Variants in NDST4 observed in about 807,000 individuals in gnomAD.
The protein encoded by NDST4 is N-deacetylase and N-sulfotransferase 4.
A neutral mutation model predicts 100.8 loss-of-function variants in NDST4; 63 were observed. The ratio of observed to expected loss-of-function variants is 0.62; its 90% CI spans 0.51 to 0.77. NDST4 has a LOEUF of 0.77. Ranked by LOEUF, NDST4 falls within the 30% of genes least tolerant of loss-of-function variation. The probability of loss-of-function intolerance (pLI) is 0.00; values close to 1 mark genes in which losing one functional copy is unlikely to be tolerated. For missense variants in NDST4, 943 were observed against 1,018.4 expected (o/e 0.93, Z 1.01); for synonymous variants, 377 against 361.8 (o/e 1.04, Z -0.48).
In NDST4 at chr4:115,007,614, T is replaced by G. The variant is rs972582019; in HGVS notation, c.979-30340A>C. On this transcript the variant is annotated intron_variant, in intron 2 of 13. Coordinates refer to ENST00000264363, the MANE Select transcript of NDST4 (RefSeq NM_022569.3). ...CTGGAATGATGATACAACCAAGAGA[T>G]AGAAGGACTGATGGAATAAAGTCCC... Among the ~76,000 whole-genome samples, 26 of 67,412 alleles carry G rather than the reference T, an allele frequency of 3.9e-4. 8 individuals carry two copies. Among genetic ancestry groups the G allele is most frequent in the African/African-American group, 1.3e-3 (23 of 17,244 alleles). The allele number at this position is 67,412 out of a possible 152,430, so 44.2% of individuals were successfully genotyped here.
At chr4:115,022,396 A>ATG (rs1317497244) in intron 2 of NDST4, among the ~76,000 whole-genome samples, 1 of 121,922 alleles carries the variant, frequency 8.2e-6, no homozygotes, top group Non-Finnish European at 1.9e-5. Context: ...TTCCATATAT[A>ATG]TGTGTTCCAT....
At chr4:115,112,618 A>G (rs939357970) in intron 1 of NDST4, among the ~76,000 whole-genome samples, 1 of 151,964 alleles carries the variant, frequency 6.6e-6, no homozygotes, top group Non-Finnish European at 1.5e-5. Flanking sequence ...TCTGTAGAAT[A>G]TAGTATTTTA....
At chr4:114,852,571 C>T (rs1323920489) in intron 8 of NDST4, among the ~76,000 whole-genome samples, 154 bp downstream of exon 8, 2 of 151,974 alleles carry the variant, frequency 1.3e-5, no homozygotes, top group East Asian at 1.9e-4. Context: ...GGTATAAATG[C>T]GAATCATGGA....
At chr4:115,000,444 A>G (rs1229130990) in intron 2 of NDST4, among the ~76,000 whole-genome samples, 3 of 152,084 alleles carry the variant, frequency 2.0e-5, no homozygotes, top group Non-Finnish European at 2.9e-5. Flanking sequence ...CAAAGCTATA[A>G]CAAATTTTAA....
At chr4:115,093,481 TAA>T (rs796281054) in intron 1 of NDST4, among the ~76,000 whole-genome samples, 2 of 146,056 alleles carry the variant, frequency 1.4e-5, no homozygotes, top group African/African-American at 5.0e-5. Context: ...TCTCAAAAAA[TAA>T]AAAAAAAATA....
At chr4:114,866,346 T>C (rs1053843312) in intron 7 of NDST4, among the ~76,000 whole-genome samples, 1 of 152,220 alleles carries the variant, frequency 6.6e-6, no homozygotes, top group Non-Finnish European at 1.5e-5. Context: ...TTGACCAACA[T>C]TTTTTTAAGT....
chr4:115,013,819 A>T (rs544646572), intron 2 of NDST4, among the ~76,000 whole-genome samples: 1 of 152,150 alleles, frequency 6.6e-6, no homozygotes, highest in Non-Finnish European at 1.5e-5. Flanking sequence ...AAGCCACTGG[A>T]ACTGCCTTTA....
At chr4:115,019,956 T>G (rs948889516) in intron 2 of NDST4, among the ~76,000 whole-genome samples, 3 of 152,074 alleles carry the variant, frequency 2.0e-5, no homozygotes, top group Non-Finnish European at 2.9e-5. Flanking sequence ...CAGTCTGTGT[T>G]ATTGTGTTGT....
At chr4:115,106,815 T>C (rs1397971029) in intron 1 of NDST4, among the ~76,000 whole-genome samples, 3 of 152,014 alleles carry the variant, frequency 2.0e-5, no homozygotes, top group African/African-American at 2.4e-5. Flanking sequence ...CGCCACCAAT[T>C]TGGGAGAATG....
chr4:114,884,798 A>AT (rs1430715694), intron 6 of NDST4, among the ~76,000 whole-genome samples: 1 of 152,146 alleles, frequency 6.6e-6, no homozygotes, highest in Non-Finnish European at 1.5e-5. Context: ...AGAATAAATC[A>AT]TTTTTTGAAA....
At chr4:115,102,273 T>C (rs952490755) in intron 1 of NDST4, among the ~76,000 whole-genome samples, 2 of 152,132 alleles carry the variant, frequency 1.3e-5, no homozygotes, top group Admixed American at 6.6e-5. Context: ...CTTGTATTCT[T>C]ACAGGCAAAA....
At chr4:115,090,144 T>C (rs1314887885) in intron 1 of NDST4, among the ~76,000 whole-genome samples, 7 of 151,774 alleles carry the variant, frequency 4.6e-5, no homozygotes, top group Non-Finnish European at 7.4e-5. Context: ...TTAGAAGACT[T>C]TTTCTAATGA....
At chr4:114,850,011 G>C (rs1258183804) in intron 8 of NDST4, among the ~76,000 whole-genome samples, 1 of 152,138 alleles carries the variant, frequency 6.6e-6, no homozygotes, top group Non-Finnish European at 1.5e-5. Context: ...TAGCAATAGA[G>C]TAGAAACTGG....
At chr4:114,928,664 A>G (rs538633441) in intron 6 of NDST4, among the ~76,000 whole-genome samples, 3 of 152,106 alleles carry the variant, frequency 2.0e-5, no homozygotes, top group African/African-American at 7.2e-5. Context: ...CGTTTTAATC[A>G]GTCCAGTGCA....
At chr4:114,874,273 T>C (rs187980815) in intron 6 of NDST4, among the ~76,000 whole-genome samples, 16 of 152,260 alleles carry the variant, frequency 1.1e-4, no homozygotes, top group Non-Finnish European at 8.8e-5. Flanking sequence ...CGCAGCAGAC[T>C]GGTTCTAAGT....
At chr4:114,907,293 G>A (rs1724973198) in intron 6 of NDST4, among the ~76,000 whole-genome samples, 1 of 152,122 alleles carries the variant, frequency 6.6e-6, no homozygotes, top group South Asian at 2.1e-4. Context: ...GCTCTTGAGG[G>A]CCTGCCCTCA....
chr4:115,028,376 A>G (rs140995721), intron 2 of NDST4, among the ~76,000 whole-genome samples: 1 of 152,206 alleles, frequency 6.6e-6, no homozygotes, highest in East Asian at 1.9e-4. Context: ...TAAAATATGA[A>G]TGCCCGGAAA....
intron 6 of NDST4, among the ~76,000 whole-genome samples, chr4:114,923,628 C>G (rs937112447): frequency 6.6e-6 from 1 of 151,916 alleles, no homozygotes; most frequent in East Asian, 1.9e-4. Flanking sequence ...GTTTTCTTTT[C>G]TTTTTTTCTT....
intron 6 of NDST4, among the ~76,000 whole-genome samples, chr4:114,902,938 C>T (rs1392862932): frequency 6.6e-6 from 1 of 152,040 alleles, no homozygotes; most frequent in Admixed American, 6.6e-5. Flanking sequence ...GAATTTCCAT[C>T]TCTTATATTC....
Sources: allele counts gnomAD v4.1 joint callset (sites outside exome capture counted in the v4.1 genomes callset), GRCh38; gene constraint gnomAD v4.1.1; transcripts MANE v1.5; gene names NCBI Gene and HGNC (gene_info 2026-07-23, HGNC 2026-07-21).